UNC5C: variants seen among roughly 807,000 people sequenced by gnomAD.
UNC5C encodes netrin receptor UNC5C.
UNC5C carries 47 observed loss-of-function variants against 99.8 expected under a neutral mutation model. The ratio of observed to expected loss-of-function variants is 0.47; its 90% CI spans 0.37 to 0.60. The LOEUF is 0.60. UNC5C is among the 20% of genes least tolerant of loss of function. The pLI is 0.00. For missense variants in UNC5C, 1,062 were observed against 1,165.9 expected (o/e 0.91, Z 1.30); for synonymous variants, 487 against 452.2 (o/e 1.08, Z -0.98).
intron 14 of UNC5C, among the ~76,000 whole-genome samples, chr4:95,177,934 C>G (rs886864835): frequency 6.6e-6 from 1 of 151,572 alleles, no homozygotes; most frequent in Non-Finnish European, 1.5e-5. Flanking sequence ...TCTCAAACTC[C>G]TAGGCTCAAG....
rs1362546186 is a variant in UNC5C at position 95,163,374 on chromosome 4, C to G, written c.*5860G>C. On this transcript the variant is annotated 3_prime_UTR_variant, in exon 16 of 16. Transcript: ENST00000453304. ...TTTAACATTGAGAACCTATGTAGCT[C>G]AGGTCCCCATTCTCTGATGCTGCCT... is the stretch of plus-strand genomic sequence containing the variant. 1 of 152,238 alleles carries G rather than the reference C, an allele frequency of 6.6e-6. No homozygotes were observed. Among genetic ancestry groups the G allele is most frequent in the Non-Finnish European group, 1.5e-5 (1 of 68,060 alleles). 9.4% of individuals were successfully genotyped at this position (152,238 alleles called of 1,614,324 possible).
At chr4:95,295,007 C>T (rs1741622639) in intron 3 of UNC5C, among the ~76,000 whole-genome samples, 1 of 152,172 alleles carries the variant, frequency 6.6e-6, no homozygotes, top group Non-Finnish European at 1.5e-5. Context: ...TGTCCCTCAG[C>T]TTGTGCTATT....
rs1036642465 is a variant in UNC5C, at chr4:95,453,290, A to G, written c.124+95444T>C. ...GATTGCATTACCCAGATAATTAAAC[A>G]TAGCTCTTTACCAATTAGATAATAA... On this transcript the variant is annotated intron_variant, in intron 1 of 15. Transcript: ENST00000453304. Among the ~76,000 whole-genome samples the G allele has an allele frequency of 2.0e-5, 3 of 152,146 alleles. No individual in the cohort carries two copies. The South Asian group carries it at 6.2e-4, about 31-fold the overall frequency.
At chr4:95,230,264 T>G (rs1417607047) in intron 7 of UNC5C, among the ~76,000 whole-genome samples, 1 of 152,188 alleles carries the variant, frequency 6.6e-6, no homozygotes, top group Non-Finnish European at 1.5e-5. Context: ...ATGTCTGTTC[T>G]TATTGTTTGC....
intron 4 of UNC5C, among the ~76,000 whole-genome samples, chr4:95,251,729 A>G (rs920456057): frequency 6.6e-6 from 1 of 152,190 alleles, no homozygotes; most frequent in Admixed American, 6.5e-5. Context: ...TCAAAACCTT[A>G]AGGAGCTACT....
intron 1 of UNC5C, among the ~76,000 whole-genome samples, chr4:95,498,990 C>A (rs1426854623): frequency 2.0e-5 from 3 of 152,030 alleles, no homozygotes; most frequent in Non-Finnish European, 4.4e-5. Flanking sequence ...TTAGAAGAGT[C>A]TTGATAATGA....
intron 7 of UNC5C, among the ~76,000 whole-genome samples, chr4:95,224,897 AAAAG>A (rs1203051461): frequency 2.0e-5 from 3 of 152,128 alleles, no homozygotes; most frequent in African/African-American, 7.2e-5. Context: ...GAGCTTGAAA[AAAAG>A]AAAGAATCTG....
In UNC5C at chr4:95,545,774, A is replaced by G. The variant is rs200957365; in HGVS notation, c.124+2960T>C. 6.6e-3 allele frequency among the ~76,000 whole-genome samples: 802 copies of G among 121,952 alleles called. 4 individuals are homozygous for G. The highest frequency in any genetic ancestry group is 0.026 in the South Asian group (107 of 4,072). 80.0% of individuals were successfully genotyped at this position (121,952 alleles called of 152,430 possible). ...ATCTCACACACACGCGCGCGCGCGC[A>G]CACACACACACACACACACACTGCC... On this transcript the variant is annotated intron_variant, in intron 1 of 15. Transcript: ENST00000453304.
At chr4:95,201,815 A>G (rs776033018) in intron 12 of UNC5C, among the ~76,000 whole-genome samples, 1 of 152,134 alleles carries the variant, frequency 6.6e-6, no homozygotes, top group African/African-American at 2.4e-5. Flanking sequence ...CGTGTTAGCC[A>G]GGATGGTCTT....
At chr4:95,305,350 T>C (rs2149405639) in intron 2 of UNC5C, among the ~76,000 whole-genome samples, 1 of 152,322 alleles carries the variant, frequency 6.6e-6, no homozygotes, top group African/African-American at 2.4e-5. Flanking sequence ...TGAGAGTTTG[T>C]TCATCAGACC....
intron 1 of UNC5C, among the ~76,000 whole-genome samples, chr4:95,382,203 C>A (rs921348471): frequency 2.6e-5 from 4 of 152,112 alleles, no homozygotes; most frequent in African/African-American, 7.2e-5. Flanking sequence ...CCAGGTGGTG[C>A]AGCTCACACC....
intron 1 of UNC5C, among the ~76,000 whole-genome samples, chr4:95,406,333 C>T (rs1343508508): frequency 2.6e-5 from 4 of 152,132 alleles, no homozygotes; most frequent in Admixed American, 2.6e-4. Flanking sequence ...GAGCAGTGCC[C>T]TCCCCTCCAG....
At chr4:95,297,585 A>G (rs949381879) in intron 3 of UNC5C, among the ~76,000 whole-genome samples, 1 of 152,206 alleles carries the variant, frequency 6.6e-6, no homozygotes, top group Non-Finnish European at 1.5e-5. Flanking sequence ...TGAGACAAGC[A>G]CTATATTAGG....
At chr4:95,281,154 T>G (rs1741044602) in intron 3 of UNC5C, among the ~76,000 whole-genome samples, 1 of 152,186 alleles carries the variant, frequency 6.6e-6, no homozygotes, top group Admixed American at 6.5e-5. Context: ...TGGAATGAGT[T>G]CTCAAATTAA....
At chr4:95,336,547 T>C (rs564319946) in intron 1 of UNC5C, among the ~76,000 whole-genome samples, 9 of 152,080 alleles carry the variant, frequency 5.9e-5, no homozygotes, top group African/African-American at 2.2e-4. Context: ...CATATTGTCT[T>C]GAAAGTCATT....
At chr4:95,345,452 G>T (rs1743736156) in intron 1 of UNC5C, among the ~76,000 whole-genome samples, 1 of 151,920 alleles carries the variant, frequency 6.6e-6, no homozygotes, top group South Asian at 2.1e-4. Context: ...AGATCATCCA[G>T]ATGGAAAACC....
chr4:95,329,158 G>A (rs548842007), intron 2 of UNC5C, among the ~76,000 whole-genome samples: 1 of 152,202 alleles, frequency 6.6e-6, no homozygotes, highest in Admixed American at 6.5e-5. Context: ...AGGCATGGTG[G>A]TGTGCCTGTA....
At chr4:95,371,773 G>C (rs1281430912) in intron 1 of UNC5C, among the ~76,000 whole-genome samples, 1 of 152,116 alleles carries the variant, frequency 6.6e-6, no homozygotes, top group Non-Finnish European at 1.5e-5. Context: ...AAGGACACTT[G>C]AGAAGCTGGA....
chr4:95,208,278 G>A (rs11944846), intron 10 of UNC5C, among the ~76,000 whole-genome samples: 72,388 of 152,008 alleles, frequency 0.48, 19,217 homozygotes, highest in Middle Eastern at 0.69. Context: ...GGAAGATAGA[G>A]ATAGTATGGT....
Sources: gnomAD v4.1 joint callset for allele counts (sites outside exome capture counted in the v4.1 genomes callset) on GRCh38, gnomAD v4.1.1 for gene constraint, MANE v1.5 for transcripts, NCBI Gene and HGNC (gene_info 2026-07-23, HGNC 2026-07-21) for gene names.